The following CHD9 variants were observed in gnomAD, a reference collection of about 807,000 sequenced individuals.
CHD9 encodes the protein chromodomain helicase DNA binding protein 9.
CHD9 carries 77 observed loss-of-function variants against 316.1 expected under a neutral mutation model. That is an observed-to-expected ratio of 0.24 (90% CI 0.20 to 0.29). The LOEUF (loss-of-function observed/expected upper bound fraction) is 0.29. Ranked by LOEUF, CHD9 falls within the 10% of genes least tolerant of loss-of-function variation. CHD9 has a pLI of 1.00. For missense variants in CHD9, 2,763 were observed against 3,438.1 expected, an observed-to-expected ratio of 0.80 and a Z score of 4.91; for synonymous variants, 1,129 against 1,158.3, an observed-to-expected ratio of 0.97 and a Z score of 0.51.
chr16:53,304,138 G>A lies in CHD9; in HGVS notation c.6132G>A (p.Glu2044=). 6.2e-7 allele frequency: 1 copy of A among 1,613,158 alleles called. No individual in the cohort carries two copies. The change falls in exon 31 of 39, where the codon GAG becomes GAA. Residue 2044 remains glutamate (E), a synonymous_variant. Transcript: ENST00000447540. ...ATGCTAAAGGTATTATTCTAGAGGA[G>A]ATGAAAGTTAAAAGTGAAAACCTTA... ...LLDAKGIILE[E]MKVKSENLKE...
intron 2 of CHD9, among the ~76,000 whole-genome samples, chr16:53,164,443 A>G (rs2042131083): frequency 3.9e-5 from 6 of 151,932 alleles, no homozygotes; most frequent in Admixed American, 3.9e-4. Context: ...GCTGGGAGTG[A>G]TGGTGTGCAC....
chr16:53,244,294 G>A (rs1032652666), intron 13 of CHD9, among the ~76,000 whole-genome samples: 2 of 150,058 alleles, frequency 1.3e-5, no homozygotes, highest in African/African-American at 2.5e-5. Context: ...CCGGGTTCAC[G>A]CCATTCTCCT....
Position 53,247,464 on chromosome 16 carries a change from G to A in CHD9, c.3626G>A (p.Arg1209His), listed in dbSNP as rs763711474. 3.7e-6 allele frequency: 6 copies of A among 1,606,244 alleles called. No individual in the cohort carries two copies. Among genetic ancestry groups the A allele is most frequent in the African/African-American group, 1.3e-5 (1 of 74,854 alleles). The change falls in exon 16 of 39, where the codon CGT becomes CAT. Residue 1209 changes from arginine to histidine, a missense_variant. By Grantham distance (29) the Arg-to-His change is conservative (BLOSUM62 0). Coordinates refer to ENST00000447540, the MANE Select transcript of CHD9 (RefSeq NM_001308319.2). ...GTGCTCATCTTCTCTCAAATGGTTC[G>A]TTGCCTTGACATTCTGGAGGACTAT... ...HKVLIFSQMVRCLDILEDYLI... is the reference protein window; with the variant it reads ...HKVLIFSQMVHCLDILEDYLI...
In CHD9 at chr16:53,156,469, A is replaced by G. The variant is rs757995487; in HGVS notation, c.380A>G (p.His127Arg). The G allele has an allele frequency of 6.2e-7, 1 of 1,614,022 alleles. No individual in the cohort carries two copies. The highest frequency in any genetic ancestry group is 8.5e-7 in the Non-Finnish European group (1 of 1,179,890). ...DVSDGSPMWG[H>R]QTATTISNQN... ...TCAGATGGCAGTCCAATGTGGGGCCATCAGACAGCTACTACCATTTCAAAT... is the reference window on the plus strand; with the variant it reads ...TCAGATGGCAGTCCAATGTGGGGCCGTCAGACAGCTACTACCATTTCAAAT... The change falls in exon 2 of 39, where the codon CAT (histidine) becomes CGT (arginine). Residue 127 changes from histidine to arginine, a missense_variant. Coordinates refer to ENST00000447540, the MANE Select transcript of CHD9 (RefSeq NM_001308319.2).
In CHD9 at chr16:53,228,986, C is replaced by A; in HGVS notation, c.2172C>A (p.Ser724=). The change falls in exon 8 of 39, where the codon TCC becomes TCA. Residue 724 remains serine (S), a synonymous_variant. Transcript: ENST00000447540. ...EEFFVKYKNY[S]YLHCEWATEE... is the part of the protein sequence containing the mutation. Reference sequence around the variant, plus strand: ...ATTATTTTTATAAAAATTTTAGCTCCTATCTTCACTGTGAGTGGGCCACAG... The same window carrying A: ...ATTATTTTTATAAAAATTTTAGCTCATATCTTCACTGTGAGTGGGCCACAG... The A allele has an allele frequency of 6.6e-7, 1 of 1,504,402 alleles. No individual in the cohort carries two copies. The highest frequency in any genetic ancestry group is 9.0e-7 in the Non-Finnish European group (1 of 1,115,432). 93.2% of individuals were successfully genotyped at this position (1,504,402 alleles called of 1,614,324 possible).
In CHD9 at chr16:53,222,626, C is replaced by A. The variant is rs1210153743; in HGVS notation, c.1785-18C>A. On this transcript the variant is annotated intron_variant, in intron 3 of 38. Coordinates refer to ENST00000447540, the MANE Select transcript of CHD9 (RefSeq NM_001308319.2). Reference sequence around the variant, plus strand: ...ATTCAAAGAATTCATACTTTTTATTCTTTTCCTCTTGAAACAGCAAACTCA... The same window carrying A: ...ATTCAAAGAATTCATACTTTTTATTATTTTCCTCTTGAAACAGCAAACTCA... 1 of 1,122,268 alleles carries A rather than the reference C, an allele frequency of 8.9e-7. No individual in the cohort carries two copies. The highest frequency in any genetic ancestry group is 1.4e-5 in the South Asian group (1 of 70,430). 69.5% of individuals were successfully genotyped at this position (1,122,268 alleles called of 1,614,324 possible). A position where few individuals can be genotyped will look rare whatever the true frequency, so the allele number is the denominator to read the frequency against.
Position 53,292,910 on chromosome 16 carries a change from A to G in CHD9, c.5368A>G (p.Thr1790Ala), listed in dbSNP as rs756375296. The G allele has an allele frequency of 2.2e-5, 36 of 1,613,834 alleles. 1 individual carries two copies. In the East Asian group the frequency reaches 7.4e-4, roughly 33 times the overall value. The change falls in exon 29 of 39, where the codon ACT (threonine) becomes GCT (alanine). Residue 1790 changes from threonine (T) to alanine (A), a missense_variant. Thr to Ala is a moderately conservative substitution (Grantham distance 58). This residue lies in a region of CHD9 where 183 missense variants were observed against 258.5 expected (regional missense o/e 0.71). Coordinates refer to ENST00000447540, the MANE Select transcript of CHD9 (RefSeq NM_001308319.2). ...ALTTRLRRLI[T>A]AYQRTNKNRQ... ...AACCACACGTTTGAGGCGTCTCATC[A>G]CTGCATACCAGCGTACTAATAAAAA... is the stretch of plus-strand genomic sequence containing the variant.
chr16:53,161,762 T>G (rs1364158993), intron 2 of CHD9, among the ~76,000 whole-genome samples: 1 of 152,196 alleles, frequency 6.6e-6, no homozygotes, highest in African/African-American at 2.4e-5. Flanking sequence ...TTTTCTTTCT[T>G]TTTTGTTTTT....
At chr16:53,193,067 G>T (rs1444211047) in intron 2 of CHD9, among the ~76,000 whole-genome samples, 1 of 152,120 alleles carries the variant, frequency 6.6e-6, no homozygotes, top group Non-Finnish European at 1.5e-5. Context: ...GTCCAAAGTG[G>T]TTGTACCATT....
At chr16:53,291,939 A>G (rs2054378311) in intron 28 of CHD9, among the ~76,000 whole-genome samples, 172 bp downstream of exon 28, 1 of 152,196 alleles carries the variant, frequency 6.6e-6, no homozygotes, top group Admixed American at 6.5e-5. Flanking sequence ...AACTACTTTT[A>G]GTGGTTATGA....
intron 19 of CHD9, among the ~76,000 whole-genome samples, chr16:53,256,489 A>G (rs2050611873): frequency 6.8e-6 from 1 of 147,740 alleles, no homozygotes; most frequent in Admixed American, 6.9e-5. Context: ...TGCCCGGCTA[A>G]TTTTTGTAAT....
At chr16:53,315,835 T>A (rs915657113) in intron 36 of CHD9, among the ~76,000 whole-genome samples, 5 of 152,144 alleles carry the variant, frequency 3.3e-5, no homozygotes, top group African/African-American at 1.2e-4. Flanking sequence ...ATAGTTCAAG[T>A]CCACTCAGCA....
At chr16:53,229,122 C>A in intron 8 of CHD9, 22 bp downstream of exon 8, 2 of 1,279,032 alleles carry the variant, frequency 1.6e-6, no homozygotes, top group Non-Finnish European at 2.2e-6. Context: ...ATAAATAAGA[C>A]TATTATGTGT....
chr16:53,278,759 TGCTC>T (rs1248332360), intron 24 of CHD9, among the ~76,000 whole-genome samples: 1 of 152,008 alleles, frequency 6.6e-6, no homozygotes, highest in Non-Finnish European at 1.5e-5. Context: ...CATGAAAAAA[TGCTC>T]ATCATCACTG....
At chr16:53,180,697 CA>C (rs1282210004) in intron 2 of CHD9, among the ~76,000 whole-genome samples, 2 of 151,372 alleles carry the variant, frequency 1.3e-5, no homozygotes, top group African/African-American at 4.9e-5. Context: ...TTTTTTGATA[CA>C]GTCTCGCTCT....
chr16:53,306,427 T>G, intron 32 of CHD9, 30 bp downstream of exon 32: 1 of 1,530,018 alleles, frequency 6.5e-7, no homozygotes, highest in Non-Finnish European at 8.8e-7. Context: ...TTGGGATAGG[T>G]CATTTTTTAG....
intron 2 of CHD9, among the ~76,000 whole-genome samples, chr16:53,171,906 G>C (rs2042779200): frequency 7.2e-6 from 1 of 138,306 alleles, no homozygotes; most frequent in Non-Finnish European, 1.6e-5. Context: ...ACACACAGCA[G>C]GAAAGTACCC....
At chr16:53,149,133 G>A (rs2040878799) in intron 1 of CHD9, among the ~76,000 whole-genome samples, 1 of 152,134 alleles carries the variant, frequency 6.6e-6, no homozygotes, top group South Asian at 2.1e-4. Flanking sequence ...TTGTATACTT[G>A]TAATATTTTA....
chr16:53,162,917 G>A (rs1183726613), intron 2 of CHD9, among the ~76,000 whole-genome samples: 2 of 151,140 alleles, frequency 1.3e-5, no homozygotes, highest in Non-Finnish European at 2.9e-5. Flanking sequence ...CCCCTGTAGT[G>A]AGCCACCAAG....
Sources: allele counts gnomAD v4.1 joint callset (sites outside exome capture counted in the v4.1 genomes callset), GRCh38; gene constraint gnomAD v4.1.1; regional missense constraint gnomAD v4.1.1; transcripts MANE v1.5; gene names NCBI Gene and HGNC (gene_info 2026-07-23, HGNC 2026-07-21).